Variants in MAST4 observed in about 807,000 individuals in gnomAD.
MAST4 encodes microtubule-associated serine/threonine-protein kinase 4.
A neutral mutation model predicts 162.7 loss-of-function variants in MAST4; 89 were observed. The observed-to-expected ratio is 0.55, with a 90% CI of 0.46 to 0.65. The LOEUF is 0.65. Among genes scored for constraint, MAST4 ranks in the 30% least tolerant of loss-of-function variants. MAST4 has a pLI of 0.00. For missense variants in MAST4, 3,153 were observed against 3,374.0 expected (o/e 0.93, Z 1.62); for synonymous variants, 1,479 against 1,361.1 (o/e 1.09, Z -1.91).
At chr5:66,836,849 C>T (rs1001377194) in intron 3 of MAST4, among the ~76,000 whole-genome samples, 2 of 152,008 alleles carry the variant, frequency 1.3e-5, no homozygotes, top group African/African-American at 4.8e-5. Flanking sequence ...ATGCTTATTA[C>T]CTGGGTTATG....
chr5:67,042,592 G>A (rs532849601), intron 4 of MAST4, among the ~76,000 whole-genome samples: 1 of 150,388 alleles, frequency 6.6e-6, no homozygotes, highest in African/African-American at 2.5e-5. Context: ...TTCCCTTTTC[G>A]TGTTAGAAAC....
intron 3 of MAST4, among the ~76,000 whole-genome samples, chr5:66,853,869 G>A (rs547097576): frequency 6.6e-6 from 1 of 152,024 alleles, no homozygotes; most frequent in African/African-American, 2.4e-5. Flanking sequence ...AACATAAAGT[G>A]CATTTAATTT....
intron 4 of MAST4, among the ~76,000 whole-genome samples, chr5:67,035,545 C>G (rs1310892293): frequency 6.6e-6 from 1 of 152,106 alleles, no homozygotes; most frequent in African/African-American, 2.4e-5. Context: ...ACACAGAAAC[C>G]AGGAATCACT....
rs183120420 is a variant in MAST4 at position 66,602,036 on chromosome 5, G to T, written c.363+5018G>T. Among the ~76,000 whole-genome samples the T allele has an allele frequency of 5.9e-5, 9 of 152,254 alleles. No homozygotes were observed. The South Asian group carries it at 1.5e-3, about 25-fold the overall frequency. The stretch of plus-strand genomic sequence containing the variant: ...ATACATATGAATACATATGAAATAC[G>T]TGTGAAATACAATATGAAAATACAT... On this transcript the variant is annotated intron_variant, in intron 1 of 28. Transcript: ENST00000403625.
chr5:67,010,040 G>A (rs779440919), intron 4 of MAST4, among the ~76,000 whole-genome samples: 6 of 152,170 alleles, frequency 3.9e-5, no homozygotes, highest in Admixed American at 2.6e-4. Context: ...AGAGTGAGGC[G>A]GGGAAAACAC....
At chr5:66,771,529 A>G (rs1362245382) in intron 2 of MAST4, among the ~76,000 whole-genome samples, 3 of 152,136 alleles carry the variant, frequency 2.0e-5, no homozygotes, top group Non-Finnish European at 4.4e-5. Context: ...TATGCCAATT[A>G]GGCTAATGAA....
chr5:66,999,045 G>C (rs899975760), intron 4 of MAST4, among the ~76,000 whole-genome samples: 1 of 152,166 alleles, frequency 6.6e-6, no homozygotes, highest in African/African-American at 2.4e-5. Flanking sequence ...TTACTGGCTT[G>C]GGTGGAGGCC....
At chr5:67,012,908 A>C (rs999954733) in intron 4 of MAST4, among the ~76,000 whole-genome samples, 7 of 152,210 alleles carry the variant, frequency 4.6e-5, no homozygotes, top group African/African-American at 1.7e-4. Flanking sequence ...CTGACATATC[A>C]TGGTTTTATT....
chr5:67,069,460 C>T (rs1240356922), intron 5 of MAST4, among the ~76,000 whole-genome samples: 4 of 151,850 alleles, frequency 2.6e-5, no homozygotes, highest in Non-Finnish European at 4.4e-5. Flanking sequence ...TATTCCAGGT[C>T]TGATGACAAA....
intron 4 of MAST4, among the ~76,000 whole-genome samples, chr5:66,944,510 A>G (rs997662029): frequency 2.6e-5 from 4 of 152,186 alleles, no homozygotes; most frequent in Admixed American, 6.6e-5. Context: ...GACAACATTT[A>G]TAAAGCATCT....
chr5:66,629,834 A>T (rs750052907), intron 1 of MAST4, among the ~76,000 whole-genome samples: 1 of 152,216 alleles, frequency 6.6e-6, no homozygotes, highest in Non-Finnish European at 1.5e-5. Context: ...GAATAGGAAT[A>T]TAGTTTTATT....
At chr5:67,071,127 T>C (rs2666639) in intron 5 of MAST4, among the ~76,000 whole-genome samples, 59,998 of 152,046 alleles carry the variant, frequency 0.39, 14,629 homozygotes, top group African/African-American at 0.7. Context: ...TTTGATAAGT[T>C]GGTTAACAGT....
At chr5:67,028,141 A>G (rs1025326121) in intron 4 of MAST4, among the ~76,000 whole-genome samples, 5 of 125,252 alleles carry the variant, frequency 4.0e-5, no homozygotes, top group Non-Finnish European at 7.4e-5. Context: ...GGTGGGGATT[A>G]TAGTGAACTT....
intron 4 of MAST4, among the ~76,000 whole-genome samples, chr5:67,051,109 T>C (rs1031769580): frequency 7.2e-5 from 11 of 152,066 alleles, no homozygotes; most frequent in Non-Finnish European, 1.3e-4. Context: ...AAAAAGATAT[T>C]TCTGCTACAG....
chr5:67,152,464 A>G (rs896221657), intron 24 of MAST4, among the ~76,000 whole-genome samples, 173 bp from the exon 25 acceptor site: 2 of 152,240 alleles, frequency 1.3e-5, no homozygotes, highest in Non-Finnish European at 2.9e-5. Context: ...AATTCATGCT[A>G]GTTACTGATA....
chr5:66,724,596 A>C (rs967604725), intron 1 of MAST4, among the ~76,000 whole-genome samples: 5 of 152,136 alleles, frequency 3.3e-5, no homozygotes, highest in Admixed American at 1.3e-4. Flanking sequence ...CATGGAGTGT[A>C]CTTCTACAAA....
intron 4 of MAST4, among the ~76,000 whole-genome samples, chr5:66,961,145 A>C (rs1257055839): frequency 6.6e-6 from 1 of 152,234 alleles, no homozygotes; most frequent in African/African-American, 2.4e-5. Context: ...GACATAGCTA[A>C]CTTTACATTC....
intron 1 of MAST4, among the ~76,000 whole-genome samples, chr5:66,667,380 A>G (rs1747328692): frequency 6.6e-6 from 1 of 152,140 alleles, no homozygotes; most frequent in African/African-American, 2.4e-5. Context: ...CTGTACTGTA[A>G]CTGTTGGTAT....
chr5:67,075,029 C>T (rs960884178), intron 5 of MAST4, among the ~76,000 whole-genome samples: 3 of 152,122 alleles, frequency 2.0e-5, no homozygotes, highest in Non-Finnish European at 4.4e-5. Context: ...AAGTTATCCC[C>T]TCAGTCTAAT....
Sources: gnomAD v4.1 joint callset for allele counts (sites outside exome capture counted in the v4.1 genomes callset) on GRCh38, gnomAD v4.1.1 for gene constraint, MANE v1.5 for transcripts, NCBI Gene and HGNC (gene_info 2026-07-23, HGNC 2026-07-21) for gene names.